Variants in TEX36 observed in about 807,000 individuals in gnomAD.
TEX36 encodes testis-expressed protein 36.
TEX36 carries 12 observed loss-of-function variants against 13.6 expected under a neutral mutation model. That is an observed-to-expected ratio of 0.88 (90% CI 0.56 to 1.43). The LOEUF is 1.43. Ranked by LOEUF, TEX36 falls within the 40% of genes most tolerant of loss-of-function variation. The pLI, the probability that TEX36 is intolerant of heterozygous loss-of-function variation, is 0.00. For synonymous variants in TEX36, 93 were observed against 83.0 expected (o/e 1.12, Z -0.65); for missense variants, 224 against 228.3 (o/e 0.98, Z 0.12).
intron 1 of TEX36, among the ~76,000 whole-genome samples, chr10:125,681,367 A>G (rs1229259764): frequency 6.6e-6 from 1 of 152,248 alleles, no homozygotes; most frequent in Non-Finnish European, 1.5e-5. Context: ...TATAAAATTC[A>G]GGCTAACAAT....
At chr10:125,643,686 G>A (rs1178012911) in intron 3 of TEX36, among the ~76,000 whole-genome samples, 1 of 151,722 alleles carries the variant, frequency 6.6e-6, no homozygotes, top group Non-Finnish European at 1.5e-5. Context: ...AGCTTGCAGT[G>A]AGCAGAGATC....
At chr10:125,605,329 G>C (rs187919997) in intron 3 of TEX36, among the ~76,000 whole-genome samples, 1 of 148,334 alleles carries the variant, frequency 6.7e-6, no homozygotes, top group Non-Finnish European at 1.5e-5. Flanking sequence ...TTCTCCACAC[G>C]CAGCATAGTG....
intron 3 of TEX36, among the ~76,000 whole-genome samples, chr10:125,611,695 TC>T (rs368479993): frequency 3.9e-5 from 6 of 152,036 alleles, no homozygotes; most frequent in African/African-American, 1.2e-4. Context: ...TGTTTTTTTT[TC>T]AATGAGCAGA....
downstream of TEX36, among the ~76,000 whole-genome samples, chr10:125,655,094 T>C (rs1432461708): frequency 2.6e-5 from 4 of 152,204 alleles, no homozygotes; most frequent in African/African-American, 9.6e-5. Context: ...TTTTAAAAAA[T>C]CAGTCTATTC....
intron 1 of TEX36, among the ~76,000 whole-genome samples, chr10:125,670,676 G>C (rs1338407058): frequency 6.6e-6 from 1 of 152,110 alleles, no homozygotes; most frequent in Non-Finnish European, 1.5e-5. Context: ...CCTTTCCTAT[G>C]TCCTGAAGGG....
chr10:125,674,832 G>A (rs1418174097), intron 1 of TEX36, among the ~76,000 whole-genome samples: 1 of 152,232 alleles, frequency 6.6e-6, no homozygotes, highest in African/African-American at 2.4e-5. Context: ...GAGGGACACT[G>A]ACCTGATACC....
At chr10:125,609,325 C>T (rs996729540) in intron 3 of TEX36, among the ~76,000 whole-genome samples, 2 of 152,102 alleles carry the variant, frequency 1.3e-5, no homozygotes, top group Admixed American at 1.3e-4. Flanking sequence ...GTTTTAATTG[C>T]CTGAGTTCAG....
At chr10:125,605,368 A>G (rs1178739851) in intron 3 of TEX36, among the ~76,000 whole-genome samples, 19 of 150,414 alleles carry the variant, frequency 1.3e-4, no homozygotes, top group Non-Finnish European at 2.4e-4. Context: ...ATCTCCATAC[A>G]CAGCATAGTG....
intron 3 of TEX36, among the ~76,000 whole-genome samples, chr10:125,581,522 A>G (rs75749659): frequency 0.011 from 1,743 of 151,910 alleles, 31 homozygotes; most frequent in African/African-American, 0.04. Flanking sequence ...CCTTACAAGG[A>G]CTTTCTGGAA....
chr10:125,600,531 C>G (rs1180059152), intron 3 of TEX36, among the ~76,000 whole-genome samples: 1 of 152,166 alleles, frequency 6.6e-6, no homozygotes, highest in African/African-American at 2.4e-5. Flanking sequence ...GTTTCTGTTT[C>G]TATTTGAATT....
intron 3 of TEX36, among the ~76,000 whole-genome samples, chr10:125,659,060 A>G (rs1846989277): frequency 6.6e-6 from 1 of 152,186 alleles, no homozygotes; most frequent in South Asian, 2.1e-4. Context: ...AAATCTACCC[A>G]AGAAGAGATA....
intron 3 of TEX36, among the ~76,000 whole-genome samples, chr10:125,608,201 T>G (rs1393537634): frequency 2.0e-5 from 3 of 152,120 alleles, no homozygotes; most frequent in Admixed American, 2.0e-4. Flanking sequence ...CTGTGAGTGT[T>G]GCTGTATGTG....
intron 1 of TEX36, among the ~76,000 whole-genome samples, chr10:125,666,087 G>T (rs561944505): frequency 1.8e-3 from 266 of 151,858 alleles, no homozygotes; most frequent in South Asian, 6.7e-3. Context: ...TCTAAGTGGG[G>T]TTTTTTTTGG....
chr10:125,613,870 T>C (rs1404197174), intron 3 of TEX36, among the ~76,000 whole-genome samples: 4 of 152,242 alleles, frequency 2.6e-5, no homozygotes, highest in Non-Finnish European at 5.9e-5. Context: ...ACTTCCACAC[T>C]GGTTGAACTA....
At chr10:125,601,768 G>C (rs1193844206) in intron 3 of TEX36, among the ~76,000 whole-genome samples, 1 of 152,174 alleles carries the variant, frequency 6.6e-6, no homozygotes, top group African/African-American at 2.4e-5. Context: ...GACGATTTGG[G>C]GGATGTTGAT....
At chr10:125,640,118 C>T (rs1846669037) in intron 3 of TEX36, 7 of 983,654 alleles carry the variant, frequency 7.1e-6, no homozygotes, top group Non-Finnish European at 8.5e-6. Flanking sequence ...TTTTTCCGTT[C>T]AGAACTGGGA....
intron 1 of TEX36, among the ~76,000 whole-genome samples, chr10:125,674,907 G>A (rs183270429): frequency 1.5e-4 from 23 of 152,354 alleles, no homozygotes; most frequent in Admixed American, 5.9e-4. Context: ...TGGGAACCAG[G>A]GCCCTGCTTA....
At chr10:125,614,872 C>T (rs1485640566) in intron 3 of TEX36, among the ~76,000 whole-genome samples, 1 of 152,118 alleles carries the variant, frequency 6.6e-6, no homozygotes, top group African/African-American at 2.4e-5. Context: ...TTACCTTGGG[C>T]AGTATGGCCA....
intron 3 of TEX36, among the ~76,000 whole-genome samples, chr10:125,606,504 ATAT>A (rs1367508381): frequency 6.6e-6 from 1 of 152,176 alleles, no homozygotes; most frequent in Admixed American, 6.5e-5. Context: ...TCTTGGAAAA[ATAT>A]TATGGCTGGG....
Sources: allele counts gnomAD v4.1 joint callset (sites outside exome capture counted in the v4.1 genomes callset), GRCh38; gene constraint gnomAD v4.1.1; transcripts MANE v1.5; gene names NCBI Gene and HGNC (gene_info 2026-07-23, HGNC 2026-07-21).